ESR2: variants seen among roughly 807,000 people sequenced by gnomAD.
ESR2 encodes the protein estrogen receptor beta.
Under a neutral mutation model 49.6 loss-of-function variants are expected in ESR2, and 36 were observed. The observed-to-expected ratio is 0.73, with a 90% CI of 0.56 to 0.96. The LOEUF is 0.96. Ranked by LOEUF, ESR2 falls within the 40% of genes least tolerant of loss-of-function variation. ESR2 has a pLI of 0.00. For synonymous variants in ESR2, 320 were observed against 266.1 expected, an observed-to-expected ratio of 1.20 and a Z score of -1.97; for missense variants, 714 against 693.0, an observed-to-expected ratio of 1.03 and a Z score of -0.34.
At chr14:64,292,496 G>T (rs1413216965) in intron 1 of ESR2, among the ~76,000 whole-genome samples, 3 of 152,106 alleles carry the variant, frequency 2.0e-5, no homozygotes, top group African/African-American at 4.8e-5. Context: ...TTTTTAAAGT[G>T]CTATTGCATA....
rs944050 is a variant in ESR2 at position 64,233,327 on chromosome 14, T to C, written c.1407-4A>G. ...CAGATGTTCCATGCCCTTGTTACTA[T>C]GGGGACAAAAAGGTGCTGAGATTCC... On this transcript the variant is annotated splice_polypyrimidine_tract_variant and splice_region_variant and intron_variant, in intron 8 of 8. Coordinates refer to ENST00000341099, the MANE Select transcript of ESR2 (RefSeq NM_001437.3). 87,931 of 1,606,512 alleles carry C rather than the reference T, an allele frequency of 0.055. 6,384 individuals carry two copies. Among genetic ancestry groups the C allele is most frequent in the East Asian group, 0.41 (18,236 of 44,616 alleles).
chr14:64,233,711 A>G (rs2098729625), intron 8 of ESR2: 1 of 182,468 alleles, frequency 5.5e-6, no homozygotes, highest in Non-Finnish European at 1.2e-5. Flanking sequence ...ACCTTGTTTT[A>G]TGTGTGTTTC....
chr14:64,336,609 A>C (rs1241658818), intron 1 of ESR2: 1 of 152,004 alleles, frequency 6.6e-6, no homozygotes, highest in Non-Finnish European at 1.5e-5. Context: ...TTGAATTCTA[A>C]ACACTGCAGT....
At chr14:64,307,338 A>G (rs910677951) in intron 1 of ESR2, among the ~76,000 whole-genome samples, 8 of 150,732 alleles carry the variant, frequency 5.3e-5, no homozygotes, top group Non-Finnish European at 1.2e-4. Flanking sequence ...CAGCCTCCTG[A>G]GTACCTGGGA....
chr14:64,332,768 C>T (rs1474751295), intron 1 of ESR2, among the ~76,000 whole-genome samples: 2 of 148,580 alleles, frequency 1.3e-5, no homozygotes, highest in Admixed American at 1.3e-4. Context: ...CCACTGCACT[C>T]CAGCCTGGGG....
chr14:64,250,241 T>A (rs533301017), intron 6 of ESR2, among the ~76,000 whole-genome samples: 1 of 152,100 alleles, frequency 6.6e-6, no homozygotes, highest in Non-Finnish European at 1.5e-5. Flanking sequence ...AAGCTGACTA[T>A]GAGAAAGAAA....
In ESR2 at chr14:64,231,185, T is replaced by G. The variant is rs962904143; in HGVS notation, c.*1952A>C. On this transcript the variant is annotated 3_prime_UTR_variant, in exon 9 of 9. Coordinates refer to ENST00000341099, the MANE Select transcript of ESR2 (RefSeq NM_001437.3). ...AGGCGTGAGCCACCACATCTGGCCT[T>G]GTTTTGGTTTTTTATGTTTTTGTTA... is the stretch of plus-strand genomic sequence containing the variant. 1 of 152,132 alleles carries G rather than the reference T, an allele frequency of 6.6e-6. No homozygotes were observed. The highest frequency in any genetic ancestry group is 1.5e-5 in the Non-Finnish European group (1 of 68,036). 9.4% of individuals were successfully genotyped at this position (152,132 alleles called of 1,614,324 possible). A position where few individuals can be genotyped will look rare whatever the true frequency, so the allele number is the denominator to read the frequency against.
chr14:64,308,369 T>A (rs1419775946), intron 1 of ESR2, among the ~76,000 whole-genome samples: 1 of 152,182 alleles, frequency 6.6e-6, no homozygotes, highest in African/African-American at 2.4e-5. Flanking sequence ...CACTATTTTA[T>A]TGTATCTCAC....
At chr14:64,315,199 G>A (rs1237545982) in intron 1 of ESR2, among the ~76,000 whole-genome samples, 4 of 134,838 alleles carry the variant, frequency 3.0e-5, no homozygotes, top group African/African-American at 1.1e-4. Flanking sequence ...AGCCAAGATC[G>A]CACCACTGCA....
intron 4 of ESR2, among the ~76,000 whole-genome samples, chr14:64,261,093 G>A (rs549973210): frequency 6.6e-6 from 1 of 151,978 alleles, no homozygotes; most frequent in Non-Finnish European, 1.5e-5. Context: ...ATATGCATGT[G>A]TGCATATGTA....
At chr14:64,254,069 C>T (rs138071004) in intron 6 of ESR2, among the ~76,000 whole-genome samples, 123 of 152,204 alleles carry the variant, frequency 8.1e-4, no homozygotes, top group Non-Finnish European at 1.5e-3. Flanking sequence ...TTCCTCTCAT[C>T]CTCAGTAGAC....
chr14:64,260,687 C>T lies in ESR2; in HGVS notation c.714G>A (p.Gln238=). Residue 238 remains glutamine, a synonymous_variant, in exon 5 of 9, where the codon CAG becomes CAA. Transcript: ENST00000341099. ...LVRRQRSADE[Q]LHCAGKAKRS... ...TCTTGGCCTTGCCGGCACAGTGCAG[C>T]TGCTCGTCGGCACTTCTCTGTCTCC... The T allele has an allele frequency of 1.9e-6, 3 of 1,558,036 alleles. No homozygotes were observed. Among genetic ancestry groups the T allele is most frequent in the Admixed American group, 1.9e-5 (1 of 52,812 alleles).
chr14:64,311,219 A>G (rs2077184329), intron 1 of ESR2, among the ~76,000 whole-genome samples: 1 of 152,208 alleles, frequency 6.6e-6, no homozygotes, highest in African/African-American at 2.4e-5. Context: ...ATATTTTAAA[A>G]TGCATTTAAA....
chr14:64,302,268 G>A (rs1447250821), intron 1 of ESR2, among the ~76,000 whole-genome samples: 1 of 151,268 alleles, frequency 6.6e-6, no homozygotes, highest in Non-Finnish European at 1.5e-5. Context: ...CTCACTGCAA[G>A]CTCTGTCTCC....
intron 1 of ESR2, among the ~76,000 whole-genome samples, chr14:64,312,890 C>T (rs1423153062): frequency 6.6e-6 from 1 of 151,864 alleles, no homozygotes; most frequent in East Asian, 1.9e-4. Flanking sequence ...GCCTGGGGAA[C>T]AGAGTGAGAC....
chr14:64,246,215 T>G (rs1291322889), intron 7 of ESR2, among the ~76,000 whole-genome samples: 1 of 152,154 alleles, frequency 6.6e-6, no homozygotes, highest in African/African-American at 2.4e-5. Flanking sequence ...AATCTCATCT[T>G]GAATTGTAAT....
intron 6 of ESR2, among the ~76,000 whole-genome samples, chr14:64,255,903 C>A (rs2076087167): frequency 6.6e-6 from 1 of 152,210 alleles, no homozygotes; most frequent in Non-Finnish European, 1.5e-5. Context: ...TGTTCTCTAT[C>A]AAAACACCAT....
intron 1 of ESR2, among the ~76,000 whole-genome samples, chr14:64,322,043 T>C (rs913964423): frequency 2.6e-5 from 4 of 151,868 alleles, no homozygotes; most frequent in Non-Finnish European, 5.9e-5. Context: ...CCTTAATCTA[T>C]AATAAAAATA....
upstream of ESR2, among the ~76,000 whole-genome samples, chr14:64,297,123 C>T: frequency 6.6e-6 from 1 of 152,190 alleles, no homozygotes; most frequent in Non-Finnish European, 1.5e-5. Flanking sequence ...GAAGCACCCA[C>T]ATATGACATT....
Sources: allele counts gnomAD v4.1 joint callset (sites outside exome capture counted in the v4.1 genomes callset), GRCh38; gene constraint gnomAD v4.1.1; transcripts MANE v1.5; gene names NCBI Gene and HGNC (gene_info 2026-07-23, HGNC 2026-07-21).